GPC6: variants seen among roughly 807,000 people sequenced by gnomAD.
GPC6 encodes glypican 6, also known as glypican-6.
In GPC6, 14 loss-of-function variants were observed where a neutral mutation model predicts 55.2. That is an observed-to-expected ratio of 0.25 (90% confidence interval 0.17 to 0.40). GPC6 has a LOEUF of 0.40. Ranked by LOEUF, GPC6 falls within the 10% of genes least tolerant of loss-of-function variation. The pLI is 1.00. For synonymous variants in GPC6, 278 were observed against 259.6 expected (o/e 1.07, Z -0.68); for missense variants, 641 against 708.5 (o/e 0.90, Z 1.08).
intron 3 of GPC6, among the ~76,000 whole-genome samples, chr13:93,948,554 T>C (rs977301454): frequency 2.6e-5 from 4 of 152,228 alleles, no homozygotes; most frequent in African/African-American, 9.6e-5. Context: ...GTTTAAATTG[T>C]TGTCCCTGAT....
At chr13:93,605,869 A>G (rs1329698793) in intron 2 of GPC6, among the ~76,000 whole-genome samples, 1 of 150,364 alleles carries the variant, frequency 6.7e-6, no homozygotes, top group African/African-American at 2.5e-5. Flanking sequence ...AAAAAAAGTG[A>G]AAAAGTTACA....
At chr13:93,684,684 G>A (rs1881980761) in intron 2 of GPC6, among the ~76,000 whole-genome samples, 1 of 151,830 alleles carries the variant, frequency 6.6e-6, no homozygotes, top group Non-Finnish European at 1.5e-5. Context: ...CCAGCTCTAA[G>A]AACAGTACCT....
intron 2 of GPC6, among the ~76,000 whole-genome samples, chr13:93,730,284 A>G (rs942599080): frequency 2.6e-5 from 4 of 152,208 alleles, no homozygotes; most frequent in African/African-American, 9.6e-5. Context: ...CTTAGGAGGA[A>G]CAAGACAGTT....
intron 3 of GPC6, among the ~76,000 whole-genome samples, chr13:93,935,377 C>T (rs1323659712): frequency 3.3e-5 from 5 of 152,110 alleles, no homozygotes; most frequent in African/African-American, 4.8e-5. Flanking sequence ...TTTTCTGTTA[C>T]TCAATTCACT....
intron 6 of GPC6, among the ~76,000 whole-genome samples, chr13:94,381,456 T>C (rs1391961021): frequency 6.6e-6 from 1 of 152,146 alleles, no homozygotes; most frequent in Non-Finnish European, 1.5e-5. Context: ...TTCTTTCCTC[T>C]GTGTGTGTCT....
intron 3 of GPC6, among the ~76,000 whole-genome samples, chr13:93,952,757 C>T (rs760895183): frequency 4.1e-5 from 6 of 147,392 alleles, no homozygotes; most frequent in East Asian, 2.0e-4. Flanking sequence ...GTGCGTGTGA[C>T]GTGTGTGTGT....
At chr13:93,672,654 A>G (rs745601532) in intron 2 of GPC6, among the ~76,000 whole-genome samples, 2 of 128,998 alleles carry the variant, frequency 1.6e-5, no homozygotes, top group South Asian at 2.7e-4. Flanking sequence ...ATATATATAT[A>G]TGCCATATAT....
intron 2 of GPC6, among the ~76,000 whole-genome samples, chr13:93,709,512 C>T (rs1278561451): frequency 4.0e-5 from 6 of 151,796 alleles, no homozygotes; most frequent in Non-Finnish European, 7.4e-5. Context: ...TACACTTCTG[C>T]TATGGCTATT....
At chr13:93,410,844 GTCTT>G (rs1876471124) in intron 1 of GPC6, among the ~76,000 whole-genome samples, 1 of 152,122 alleles carries the variant, frequency 6.6e-6, no homozygotes, top group Non-Finnish European at 1.5e-5. Flanking sequence ...TGTCACTGGA[GTCTT>G]TCTTTAGAGA....
chr13:93,610,970 A>G (rs887053647), intron 2 of GPC6, among the ~76,000 whole-genome samples: 1 of 152,158 alleles, frequency 6.6e-6, no homozygotes, highest in Non-Finnish European at 1.5e-5. Flanking sequence ...GACGATTCCC[A>G]TACAATTAAC....
At chr13:93,595,637 A>G (rs994010909) in intron 2 of GPC6, among the ~76,000 whole-genome samples, 8 of 152,142 alleles carry the variant, frequency 5.3e-5, no homozygotes, top group African/African-American at 1.9e-4. Context: ...CATTCCATAA[A>G]ATCTAATGTC....
At chr13:93,671,632 G>T (rs532010748) in intron 2 of GPC6, among the ~76,000 whole-genome samples, 12 of 151,904 alleles carry the variant, frequency 7.9e-5, no homozygotes, top group Non-Finnish European at 1.3e-4. Context: ...GGGTTCTCTG[G>T]TTTTTTTAGG....
At chr13:93,739,651 G>T (rs553140949) in intron 2 of GPC6, among the ~76,000 whole-genome samples, 2 of 151,948 alleles carry the variant, frequency 1.3e-5, no homozygotes, top group African/African-American at 2.4e-5. Context: ...GGATGGTCTC[G>T]ATCTCCTGAC....
chr13:93,704,280 C>T (rs944424360), intron 2 of GPC6, among the ~76,000 whole-genome samples: 2 of 151,628 alleles, frequency 1.3e-5, no homozygotes, highest in Admixed American at 6.6e-5. Context: ...AAATAAGCCC[C>T]CAAATAAGGA....
intron 4 of GPC6, among the ~76,000 whole-genome samples, chr13:94,274,533 T>C (rs1689149266): frequency 6.6e-6 from 1 of 152,202 alleles, no homozygotes; most frequent in Non-Finnish European, 1.5e-5. Context: ...ATTCCTGTCA[T>C]GGTGTGATCT....
chr13:93,246,071 C>T lies in GPC6; in HGVS notation c.160+18455C>T, dbSNP rs1348505611. On this transcript the variant is annotated intron_variant, in intron 1 of 8. Transcript: ENST00000377047. Reference sequence around the variant, plus strand: ...TTTTGGTCCTGTTGAGATTTCTGGTCAAGAGAAATTCCATCCCCCCAACCT... The same window carrying T: ...TTTTGGTCCTGTTGAGATTTCTGGTTAAGAGAAATTCCATCCCCCCAACCT... Among the ~76,000 whole-genome samples, 5 of 152,268 alleles carry T rather than the reference C, an allele frequency of 3.3e-5. No homozygotes were observed. In the Middle Eastern group the frequency reaches 0.01, roughly 311 times the overall value.
intron 2 of GPC6, among the ~76,000 whole-genome samples, chr13:93,679,070 T>A (rs1041310478): frequency 2.0e-5 from 3 of 152,154 alleles, no homozygotes; most frequent in Non-Finnish European, 4.4e-5. Flanking sequence ...TCGTATATAT[T>A]TTTTTAATTT....
chr13:94,125,923 A>G (rs1044881791), intron 4 of GPC6, among the ~76,000 whole-genome samples: 10 of 152,184 alleles, frequency 6.6e-5, no homozygotes, highest in African/African-American at 1.9e-4. Flanking sequence ...GTGCAATATT[A>G]TATCTTACAC....
intron 6 of GPC6, among the ~76,000 whole-genome samples, chr13:94,307,582 G>A (rs193166001): frequency 6.6e-6 from 1 of 152,234 alleles, no homozygotes; most frequent in Admixed American, 6.5e-5. Context: ...CAAAGTGCTG[G>A]GATTACAGGC....
Sources: gnomAD v4.1 joint callset for allele counts (sites outside exome capture counted in the v4.1 genomes callset) on GRCh38, gnomAD v4.1.1 for gene constraint, MANE v1.5 for transcripts, NCBI Gene and HGNC (gene_info 2026-07-23, HGNC 2026-07-21) for gene names.